The following ANKS1B variants were observed in gnomAD, a reference collection of about 807,000 sequenced individuals.
ANKS1B encodes the protein ankyrin repeat and sterile alpha motif domain containing 1B, also known as ankyrin repeat and sterile alpha motif domain-containing protein 1B.
In ANKS1B, 36 loss-of-function variants were observed where a neutral mutation model predicts 148.3. The ratio of observed to expected loss-of-function variants is 0.24; its 90% CI spans 0.19 to 0.32. The LOEUF is 0.32. Ranked by LOEUF, ANKS1B falls within the 10% of genes least tolerant of loss-of-function variation. The probability of loss-of-function intolerance (pLI) is 1.00; values close to 1 mark genes in which losing one functional copy is unlikely to be tolerated. For synonymous variants in ANKS1B, 542 were observed against 560.8 expected (o/e 0.97, Z 0.47); for missense variants, 1,157 against 1,542.6 (o/e 0.75, Z 4.19).
intron 11 of ANKS1B, among the ~76,000 whole-genome samples, chr12:99,407,201 C>T (rs2094551196): frequency 6.9e-6 from 1 of 145,872 alleles, no homozygotes; most frequent in South Asian, 2.1e-4. Context: ...GAATTTATCC[C>T]AGGGATGCAA....
intron 17 of ANKS1B, among the ~76,000 whole-genome samples, chr12:98,934,491 A>G (rs2099816621): frequency 6.6e-6 from 1 of 152,038 alleles, no homozygotes; most frequent in Non-Finnish European, 1.5e-5. Flanking sequence ...CATTTTGTCT[A>G]TTTATGTAAA....
chr12:99,835,839 A>G (rs1047112155), intron 1 of ANKS1B, among the ~76,000 whole-genome samples: 1 of 152,232 alleles, frequency 6.6e-6, no homozygotes, highest in African/African-American at 2.4e-5. Flanking sequence ...CTTAATACCT[A>G]GAAGATGGGT....
chr12:99,009,141 T>C (rs1163469202), intron 17 of ANKS1B, among the ~76,000 whole-genome samples: 1 of 152,220 alleles, frequency 6.6e-6, no homozygotes, highest in East Asian at 1.9e-4. Context: ...CAGGCTGCCA[T>C]GAAAAGCAAA....
intron 14 of ANKS1B, among the ~76,000 whole-genome samples, chr12:99,204,582 C>T (rs959150335): frequency 1.3e-5 from 2 of 152,196 alleles, no homozygotes; most frequent in African/African-American, 4.8e-5. Flanking sequence ...CCTGAATGCC[C>T]TAAATAAACG....
intron 10 of ANKS1B, among the ~76,000 whole-genome samples, chr12:99,468,131 G>T (rs1333680885): frequency 1.3e-5 from 2 of 152,032 alleles, no homozygotes; most frequent in African/African-American, 2.4e-5. Flanking sequence ...CAGAAATAAT[G>T]CTGCATATCT....
At chr12:99,156,884 T>C (rs2076117657) in intron 14 of ANKS1B, among the ~76,000 whole-genome samples, 1 of 152,240 alleles carries the variant, frequency 6.6e-6, no homozygotes, top group African/African-American at 2.4e-5. Context: ...AATAATGTAA[T>C]TTCATGATCC....
intron 15 of ANKS1B, among the ~76,000 whole-genome samples, chr12:99,109,015 T>C (rs540418946): frequency 1.3e-5 from 2 of 152,310 alleles, no homozygotes; most frequent in South Asian, 4.1e-4. Context: ...CCTTCTGTCA[T>C]GCAGGTGGAA....
intron 17 of ANKS1B, among the ~76,000 whole-genome samples, chr12:98,842,286 C>T (rs894324809): frequency 6.6e-6 from 1 of 152,112 alleles, no homozygotes; most frequent in African/African-American, 2.4e-5. Flanking sequence ...CATCAACAGA[C>T]CTCAAAAACA....
chr12:99,712,522 A>T (rs1324504657), intron 8 of ANKS1B, among the ~76,000 whole-genome samples: 1 of 152,196 alleles, frequency 6.6e-6, no homozygotes, highest in Non-Finnish European at 1.5e-5. Flanking sequence ...AATAGTCTCA[A>T]CCCCTTATAA....
At chr12:99,252,334 T>G (rs1460025254) in intron 12 of ANKS1B, among the ~76,000 whole-genome samples, 5 of 152,236 alleles carry the variant, frequency 3.3e-5, no homozygotes, top group African/African-American at 9.6e-5. Context: ...ATATGACTTA[T>G]ACTTTTAGAA....
intron 1 of ANKS1B, among the ~76,000 whole-genome samples, chr12:99,863,740 C>G (rs961264941): frequency 6.6e-6 from 1 of 150,760 alleles, no homozygotes. Flanking sequence ...AAAATTCTTG[C>G]CAAATTATAT....
chr12:98,955,132 C>CAAAATCAT (rs1251124635), intron 17 of ANKS1B, among the ~76,000 whole-genome samples: 2 of 151,910 alleles, frequency 1.3e-5, no homozygotes, highest in African/African-American at 4.8e-5. Flanking sequence ...AAAAGATAAA[C>CAAAATCAT]AAAATCATAA....
chr12:99,506,159 G>A (rs555551573), intron 9 of ANKS1B, among the ~76,000 whole-genome samples: 16 of 152,052 alleles, frequency 1.1e-4, no homozygotes, highest in East Asian at 3.9e-4. Context: ...TCAAAAACTC[G>A]TAAGTTGAAC....
chr12:98,963,779 G>A (rs536924695), intron 17 of ANKS1B, among the ~76,000 whole-genome samples: 26 of 152,154 alleles, frequency 1.7e-4, no homozygotes, highest in Non-Finnish European at 2.9e-4. Context: ...TAACCAGAAC[G>A]TATAAGGAAC....
intron 12 of ANKS1B, among the ~76,000 whole-genome samples, chr12:99,333,916 C>A (rs1222200327): frequency 7.0e-6 from 1 of 142,776 alleles, no homozygotes; most frequent in Non-Finnish European, 1.5e-5. Context: ...ATGTTGATCG[C>A]ATTTCATATA....
At chr12:99,845,746 AG>A (rs2086559364) in intron 1 of ANKS1B, among the ~76,000 whole-genome samples, 1 of 152,108 alleles carries the variant, frequency 6.6e-6, no homozygotes, top group Non-Finnish European at 1.5e-5. Flanking sequence ...AGAACGAGGT[AG>A]GGAGGAGTAC....
At chr12:99,962,794 G>C (rs2095430834) in intron 1 of ANKS1B, among the ~76,000 whole-genome samples, 1 of 149,182 alleles carries the variant, frequency 6.7e-6, no homozygotes, top group African/African-American at 2.5e-5. Flanking sequence ...TTTCTCTAAT[G>C]ATCAGTGATG....
rs372400178 is a variant in ANKS1B at position 98,751,318 on chromosome 12, C to T, written c.3747+37G>A. 1 of 1,604,862 alleles carries T rather than the reference C, an allele frequency of 6.2e-7. No homozygotes were observed. The highest frequency in any genetic ancestry group is 1.3e-5 in the African/African-American group (1 of 74,524). On this transcript the variant is annotated intron_variant, in intron 26 of 26. Transcript: ENST00000683438. The surrounding 1 kb of genome is among the most constrained non-coding windows in gnomAD (Gnocchi z 4.3). ...GTTAGCAGCCCCTTTTCCTCCTGTT[C>T]AAGGTTTTTTAGAACATCTGTATCG...
At chr12:99,881,244 A>T (rs577759907) in intron 1 of ANKS1B, among the ~76,000 whole-genome samples, 116 of 152,286 alleles carry the variant, frequency 7.6e-4, no homozygotes, top group African/African-American at 2.6e-3. Context: ...GAGTGGGGGA[A>T]ATTCCAGGTT....
Sources: gnomAD v4.1 joint callset for allele counts (sites outside exome capture counted in the v4.1 genomes callset) on GRCh38, gnomAD v4.1.1 for gene constraint, Gnocchi (gnomAD v3.1) non-coding constraint, MANE v1.5 for transcripts, NCBI Gene and HGNC (gene_info 2026-07-23, HGNC 2026-07-21) for gene names.